The following SLCO1B1 variants were observed in gnomAD, a reference collection of about 807,000 sequenced individuals.
SLCO1B1 encodes solute carrier organic anion transporter family member 1B1.
Under a neutral mutation model 70.1 loss-of-function variants are expected in SLCO1B1, and 81 were observed. The observed-to-expected ratio is 1.16, with a 90% CI of 0.97 to 1.39. SLCO1B1 has a LOEUF of 1.39. Ranked by LOEUF, SLCO1B1 falls within the 40% of genes most tolerant of loss-of-function variation. The pLI, the probability that SLCO1B1 is intolerant of heterozygous loss-of-function variation, is 0.00. For synonymous variants in SLCO1B1, 283 were observed against 271.5 expected (o/e 1.04, Z -0.42); for missense variants, 895 against 799.6 (o/e 1.12, Z -1.44).
chr12:21,165,001 C>T, intron 2 of SLCO1B1: 2 of 354,318 alleles, frequency 5.6e-6, no homozygotes, highest in Non-Finnish European at 1.1e-5. Flanking sequence ...CCTGCCTCAA[C>T]TACATAGCTT....
intron 2 of SLCO1B1, among the ~76,000 whole-genome samples, chr12:21,163,806 G>A (rs757424922): frequency 1.3e-5 from 2 of 152,102 alleles, no homozygotes; most frequent in African/African-American, 2.4e-5. Flanking sequence ...CATTGGGTTA[G>A]GATTTGACAT....
At chr12:21,217,489 A>T (rs1941373358) in intron 12 of SLCO1B1, among the ~76,000 whole-genome samples, 186 bp downstream of exon 12, 1 of 152,116 alleles carries the variant, frequency 6.6e-6, no homozygotes, top group Non-Finnish European at 1.5e-5. Flanking sequence ...TTTGCCTCTA[A>T]TTCTTCCATT....
intron 11 of SLCO1B1, among the ~76,000 whole-genome samples, chr12:21,211,131 T>G (rs1021325248): frequency 1.3e-5 from 2 of 152,106 alleles, no homozygotes; most frequent in Admixed American, 6.6e-5. Context: ...GCATCCCTGT[T>G]TTGTGCCAGT....
chr12:21,146,923 T>A (rs1477720885), intron 2 of SLCO1B1, among the ~76,000 whole-genome samples: 1 of 152,166 alleles, frequency 6.6e-6, no homozygotes, highest in South Asian at 2.1e-4. Flanking sequence ...AACATATAGA[T>A]GTTTATTATA....
chr12:21,135,128 A>G (rs1025953891), intron 1 of SLCO1B1, among the ~76,000 whole-genome samples: 5 of 152,152 alleles, frequency 3.3e-5, no homozygotes, highest in Non-Finnish European at 7.3e-5. Context: ...TTCAGTTTCC[A>G]TGCAGTTGAG....
intron 2 of SLCO1B1, among the ~76,000 whole-genome samples, chr12:21,144,009 A>C (rs1373526833): frequency 1.1e-4 from 13 of 118,744 alleles, no homozygotes. Flanking sequence ...GAGAAATCAA[A>C]TACTTGAATT....
At chr12:21,160,832 A>G (rs1940609142) in intron 2 of SLCO1B1, among the ~76,000 whole-genome samples, 1 of 152,178 alleles carries the variant, frequency 6.6e-6, no homozygotes, top group Non-Finnish European at 1.5e-5. Context: ...AAACGGCCTC[A>G]TTAAAATGTA....
At chr12:21,209,903 G>T (rs1225836579) in intron 11 of SLCO1B1, among the ~76,000 whole-genome samples, 6 of 152,062 alleles carry the variant, frequency 3.9e-5, no homozygotes, top group Admixed American at 2.0e-4. Context: ...TTTTGATGGG[G>T]TTTTTTGTTT....
intron 2 of SLCO1B1, among the ~76,000 whole-genome samples, chr12:21,162,418 C>T (rs1193476504): frequency 7.9e-5 from 12 of 152,016 alleles, no homozygotes; most frequent in Admixed American, 5.9e-4. Context: ...ATTTTTATCA[C>T]GTATTTTGCT....
chr12:21,202,920 G>A (rs1941175115), intron 10 of SLCO1B1, among the ~76,000 whole-genome samples: 1 of 151,972 alleles, frequency 6.6e-6, no homozygotes, highest in Non-Finnish European at 1.5e-5. Flanking sequence ...TATTTATGTG[G>A]TACTTACAAT....
rs930862726 is a variant in SLCO1B1 at position 21,239,337 on chromosome 12, T to C, written c.*148T>C. On this transcript the variant is annotated 3_prime_UTR_variant, in exon 15 of 15. Transcript: ENST00000256958. Reference sequence around the variant, plus strand: ...AAGTATAAATAAGCCTATGAACTTATAATAAAACAAACTGTAGGTAGAAAA... The same window carrying C: ...AAGTATAAATAAGCCTATGAACTTACAATAAAACAAACTGTAGGTAGAAAA... The C allele has an allele frequency of 5.8e-6, 4 of 689,560 alleles. No homozygotes were observed. Among genetic ancestry groups the C allele is most frequent in the Admixed American group, 4.4e-5 (2 of 45,440 alleles). 42.7% of individuals were successfully genotyped at this position (689,560 alleles called of 1,614,324 possible). A position where few individuals can be genotyped will look rare whatever the true frequency, so the allele number is the denominator to read the frequency against.
chr12:21,213,884 C>T (rs1310423536), intron 11 of SLCO1B1, among the ~76,000 whole-genome samples: 3 of 150,464 alleles, frequency 2.0e-5, no homozygotes, highest in South Asian at 2.1e-4. Context: ...GCATTCTCCA[C>T]GTAGTTCTCG....
In SLCO1B1 at chr12:21,202,597, T is replaced by C. The variant is rs1591818875; in HGVS notation, c.1242T>C (p.Thr414=). 2 of 1,612,806 alleles carry C rather than the reference T, an allele frequency of 1.2e-6. No individual in the cohort carries two copies. Among genetic ancestry groups the C allele is most frequent in the Admixed American group, 1.7e-5 (1 of 59,876 alleles). Reference sequence around the variant, plus strand: ...GAATTGCCAAATTCTCATGTTTTACTGCTGTGATGTCATTGTCCTTTTACC... The same window carrying C: ...GAATTGCCAAATTCTCATGTTTTACCGCTGTGATGTCATTGTCCTTTTACC... The part of the protein sequence containing the change: ...TVGIAKFSCF[T]AVMSLSFYLL... Residue 414 remains threonine (T), a synonymous_variant, in exon 10 of 15, where the codon ACT becomes ACC. Coordinates refer to ENST00000256958, the MANE Select transcript of SLCO1B1 (RefSeq NM_006446.5).
intron 7 of SLCO1B1, among the ~76,000 whole-genome samples, chr12:21,187,282 A>T (rs1483074492): frequency 2.6e-5 from 4 of 152,156 alleles, no homozygotes; most frequent in Admixed American, 2.6e-4. Context: ...ATAAAAATCA[A>T]CTGCTAGTCT....
intron 2 of SLCO1B1, among the ~76,000 whole-genome samples, chr12:21,146,994 T>A (rs1330114232): frequency 6.6e-6 from 1 of 152,144 alleles, no homozygotes; most frequent in Non-Finnish European, 1.5e-5. Flanking sequence ...ACCTGCTGGA[T>A]CTTTCCATTT....
intron 2 of SLCO1B1, among the ~76,000 whole-genome samples, chr12:21,161,351 C>A (rs1412616777): frequency 6.6e-6 from 1 of 152,154 alleles, no homozygotes. Flanking sequence ...AAGATCATGT[C>A]TTTTGTGGAA....
At chr12:21,175,753 G>A (rs903892246) in intron 4 of SLCO1B1, among the ~76,000 whole-genome samples, 1 of 150,986 alleles carries the variant, frequency 6.6e-6, no homozygotes. Flanking sequence ...TTTTTCATCT[G>A]CTTTTGGCAC....
chr12:21,182,044 A>G (rs1940905253), intron 7 of SLCO1B1, among the ~76,000 whole-genome samples: 1 of 152,194 alleles, frequency 6.6e-6, no homozygotes, highest in Non-Finnish European at 1.5e-5. Flanking sequence ...AGCCCAAAAT[A>G]TTGAATAAAC....
At chr12:21,222,509 A>G (rs1941441086) in intron 13 of SLCO1B1, 145 bp downstream of exon 13, 1 of 223,990 alleles carries the variant, frequency 4.5e-6, no homozygotes, top group Non-Finnish European at 8.3e-6. Context: ...TTTAATTATG[A>G]TAGTAAATAA....
Sources: allele counts gnomAD v4.1 joint callset (sites outside exome capture counted in the v4.1 genomes callset), GRCh38; gene constraint gnomAD v4.1.1; transcripts MANE v1.5; gene names NCBI Gene and HGNC (gene_info 2026-07-23, HGNC 2026-07-21).